Variants in HMGCLL1 observed in about 807,000 individuals in gnomAD.
HMGCLL1 encodes the protein 3-hydroxy-3-methylglutaryl-CoA lyase like 1, also known as 3-hydroxymethyl-3-methylglutaryl-CoA lyase, cytoplasmic.
In HMGCLL1, 36 loss-of-function variants were observed where a neutral mutation model predicts 39.1. The ratio of observed to expected loss-of-function variants is 0.92; its 90% CI spans 0.71 to 1.22. The LOEUF is 1.22. Among genes scored for constraint, HMGCLL1 ranks in the 50% most tolerant of loss-of-function variants. The pLI is 0.00. For synonymous variants in HMGCLL1, 149 were observed against 144.0 expected (o/e 1.03, Z -0.25); for missense variants, 451 against 416.5 (o/e 1.08, Z -0.72).
At chr6:55,663,740 G>A in the HMGCLL1 span, among the ~76,000 whole-genome samples, 4 of 151,678 alleles carry the variant, frequency 2.6e-5, no homozygotes, top group African/African-American at 9.7e-5. Context: ...TTAATTTTCT[G>A]CCTCAGTGAG....
chr6:55,676,113 A>T, the HMGCLL1 span, among the ~76,000 whole-genome samples: 5 of 152,240 alleles, frequency 3.3e-5, no homozygotes, highest in East Asian at 9.7e-4. Flanking sequence ...TATTTTTAGA[A>T]TTTCATCACT....
chr6:55,495,394 A>G (rs780979338), intron 7 of HMGCLL1, 25 bp downstream of exon 7: 12 of 1,583,584 alleles, frequency 7.6e-6, no homozygotes, highest in Non-Finnish European at 8.7e-6. Flanking sequence ...ATGCACACAC[A>G]TAACACACAA....
At chr6:55,612,578 G>A in the HMGCLL1 span, among the ~76,000 whole-genome samples, 1 of 152,134 alleles carries the variant, frequency 6.6e-6, no homozygotes, top group Admixed American at 6.5e-5. Flanking sequence ...AACCAAAACA[G>A]CATGGTACTG....
At chr6:55,449,612 G>A (rs1289880427) in intron 7 of HMGCLL1, among the ~76,000 whole-genome samples, 1 of 152,132 alleles carries the variant, frequency 6.6e-6, no homozygotes, top group African/African-American at 2.4e-5. Context: ...CACTTTGCTG[G>A]CTGCTTTCTA....
chr6:55,459,141 CA>C (rs1320230314), intron 7 of HMGCLL1, among the ~76,000 whole-genome samples: 1 of 152,102 alleles, frequency 6.6e-6, no homozygotes, highest in Non-Finnish European at 1.5e-5. Flanking sequence ...GTATTTATGT[CA>C]GCTAAAGAGT....
the HMGCLL1 span, among the ~76,000 whole-genome samples, chr6:55,622,665 G>C: frequency 2.0e-5 from 3 of 152,104 alleles, no homozygotes; most frequent in East Asian, 5.8e-4. Context: ...GTTTGCTACT[G>C]TTTTGTTGAG....
At chr6:55,495,786 T>C (rs2127423950) in intron 6 of HMGCLL1, among the ~76,000 whole-genome samples, 179 bp from the exon 7 acceptor site, 1 of 152,312 alleles carries the variant, frequency 6.6e-6, no homozygotes, top group East Asian at 1.9e-4. Context: ...AAACATTATA[T>C]AAGACTTTGA....
chr6:55,614,841 T>G, the HMGCLL1 span, among the ~76,000 whole-genome samples: 1 of 152,128 alleles, frequency 6.6e-6, no homozygotes, highest in Non-Finnish European at 1.5e-5. Flanking sequence ...TTCTGACATA[T>G]GGTCACTTTT....
At chr6:55,576,517 T>C (rs988203824) in intron 1 of HMGCLL1, among the ~76,000 whole-genome samples, 2 of 152,172 alleles carry the variant, frequency 1.3e-5, no homozygotes, top group African/African-American at 4.8e-5. Flanking sequence ...AACAGAGAAA[T>C]AGCATTATTT....
At chr6:55,445,022 T>C (rs1763754445) in intron 7 of HMGCLL1, among the ~76,000 whole-genome samples, 1 of 151,990 alleles carries the variant, frequency 6.6e-6, no homozygotes, top group Non-Finnish European at 1.5e-5. Flanking sequence ...TTGACTCAGT[T>C]CTAAATGCAA....
rs6933536 is a variant in HMGCLL1, at chr6:55,543,181, A to T, written c.109-1041T>A. Reference sequence around the variant, plus strand: ...ATTATATATATAATATATAATATATAATATATAATATATTATATATTATAT... The same window carrying T: ...ATTATATATATAATATATAATATATTATATATAATATATTATATATTATAT... On this transcript the variant is annotated intron_variant, in intron 1 of 8. Coordinates refer to ENST00000274901, the MANE Select transcript of HMGCLL1 (RefSeq NM_001042406.2). Among the ~76,000 whole-genome samples the T allele has an allele frequency of 1.1e-3, 8 of 7,246 alleles. 1 individual carries two copies. Among genetic ancestry groups the T allele is most frequent in the Non-Finnish European group, 2.8e-3 (8 of 2,852 alleles). The allele number at this position is 7,246 out of a possible 152,430, so 4.8% of individuals were successfully genotyped here.
At chr6:55,485,693 A>C (rs771581004) in intron 7 of HMGCLL1, among the ~76,000 whole-genome samples, 1 of 152,042 alleles carries the variant, frequency 6.6e-6, no homozygotes, top group Non-Finnish European at 1.5e-5. Context: ...AAACATATGA[A>C]AGAACTGTTC....
At chr6:55,607,349 G>A in the HMGCLL1 span, among the ~76,000 whole-genome samples, 1 of 152,176 alleles carries the variant, frequency 6.6e-6, no homozygotes, top group African/African-American at 2.4e-5. Context: ...ATAGGAGAAT[G>A]CTTCCATCAT....
the HMGCLL1 span, among the ~76,000 whole-genome samples, chr6:55,655,035 T>C: frequency 2.0e-5 from 3 of 151,960 alleles, no homozygotes; most frequent in African/African-American, 7.2e-5. Flanking sequence ...TGGAGAAAAT[T>C]TTAAACTACA....
chr6:55,549,796 A>G (rs1459743412), intron 1 of HMGCLL1, among the ~76,000 whole-genome samples: 1 of 151,956 alleles, frequency 6.6e-6, no homozygotes, highest in Non-Finnish European at 1.5e-5. Flanking sequence ...TATTGATTAT[A>G]TAACAATGTC....
At chr6:55,516,654 G>C (rs779851827) in intron 3 of HMGCLL1, 51 bp from the exon 4 acceptor site, 2 of 1,227,900 alleles carry the variant, frequency 1.6e-6, no homozygotes, top group Admixed American at 3.4e-5. Context: ...ATATGTTACC[G>C]AGAATCATTT....
intron 7 of HMGCLL1, among the ~76,000 whole-genome samples, chr6:55,477,221 A>ATTATAT (rs1561904260): frequency 7.1e-5 from 1 of 14,100 alleles, no homozygotes; most frequent in Admixed American, 1.4e-3. Context: ...TTATATTATA[A>ATTATAT]TATATAATAT....
At chr6:55,438,088 C>A (rs1265644380) in intron 8 of HMGCLL1, among the ~76,000 whole-genome samples, 1 of 151,948 alleles carries the variant, frequency 6.6e-6, no homozygotes, top group African/African-American at 2.4e-5. Flanking sequence ...ACATAACTGG[C>A]ATATATTAAG....
At position 55,519,303 on chromosome 6, in the gene HMGCLL1, T is replaced by C. The variant is rs182081173; in HGVS notation, c.298-2700A>G. The stretch of plus-strand genomic sequence containing the variant: ...AGAATCCATCTTGTGACAAGTTCTG[T>C]GGTAGAAAAAAAATGGTACTGGGAA... On this transcript the variant is annotated intron_variant, in intron 3 of 8. Transcript: ENST00000274901. 4.1e-3 allele frequency among the ~76,000 whole-genome samples: 609 copies of C among 148,984 alleles called. 5 individuals carry two copies. Among genetic ancestry groups the C allele is most frequent in the African/African-American group, 0.014 (581 of 41,410 alleles).
Sources: allele counts gnomAD v4.1 joint callset (sites outside exome capture counted in the v4.1 genomes callset), GRCh38; gene constraint gnomAD v4.1.1; transcripts MANE v1.5; gene names NCBI Gene and HGNC (gene_info 2026-07-23, HGNC 2026-07-21).